Variants in TTC38 observed in about 807,000 individuals in gnomAD.
TTC38 encodes the protein tetratricopeptide repeat protein 38.
In TTC38, 64 loss-of-function variants were observed where a neutral mutation model predicts 64.2. The ratio of observed to expected loss-of-function variants is 1.00; its 90% CI spans 0.81 to 1.23. The LOEUF (loss-of-function observed/expected upper bound fraction) is 1.23, where lower values mean the gene tolerates loss of function less well. Ranked by LOEUF, TTC38 falls within the 50% of genes most tolerant of loss-of-function variation. The probability of loss-of-function intolerance (pLI) is 0.00; values close to 1 mark genes in which losing one functional copy is unlikely to be tolerated. For missense variants in TTC38, 573 were observed against 615.5 expected (o/e 0.93, Z 0.73); for synonymous variants, 254 against 249.3 (o/e 1.02, Z -0.18).
Position 46,268,047 on chromosome 22 carries a change from C to T in TTC38, c.8C>T (p.Ala3Val), listed in dbSNP as rs1360169335. The stretch of plus-strand genomic sequence containing the variant: ...ACTCCGACCCGGCGCAACATGGCCG[C>T]AGCCTCGCCTCTGCGCGACTGCCAG... The part of the protein sequence containing the change: MA[A>V]ASPLRDCQAW... The change falls in exon 1 of 14, where the codon GCA (alanine) becomes GTA (valine). Residue 3 changes from alanine to valine, a missense_variant. This residue lies in a region of TTC38 where 134 missense variants were observed against 126.5 expected (regional missense o/e 1.06). Coordinates refer to ENST00000381031, the MANE Select transcript of TTC38 (RefSeq NM_017931.4). The T allele has an allele frequency of 6.5e-7, 1 of 1,542,930 alleles. No homozygotes were observed. The highest frequency in any genetic ancestry group is 8.7e-7 in the Non-Finnish European group (1 of 1,150,860).
rs1202269761 is a variant in TTC38 at position 46,281,124 on chromosome 22, G to A, written c.616-475G>A. ...GTCCTCACATATATGGTAGTGGGAA[G>A]AGGCAGTCACAGCCACTGGAGGACT... On this transcript the variant is annotated intron_variant, in intron 6 of 13. Coordinates refer to ENST00000381031, the MANE Select transcript of TTC38 (RefSeq NM_017931.4). This position sits in a 1 kb window ranked among gnomAD's most constrained non-coding sequence, Gnocchi z 5.2. Among the ~76,000 whole-genome samples, 1 of 152,258 alleles carries A rather than the reference G, an allele frequency of 6.6e-6. No homozygotes were observed. The highest frequency in any genetic ancestry group is 1.5e-5 in the Non-Finnish European group (1 of 68,048).
intron 1 of TTC38, 25 bp from the exon 2 acceptor site, chr22:46,268,486 ACTG>A: frequency 6.2e-7 from 1 of 1,612,924 alleles, no homozygotes; most frequent in East Asian, 2.2e-5. Context: ...GAGAGAAGGC[ACTG>A]CTATTCCCTT....
At chr22:46,290,853 C>G (rs563006396) in intron 13 of TTC38, among the ~76,000 whole-genome samples, 1 of 152,200 alleles carries the variant, frequency 6.6e-6, no homozygotes, top group African/African-American at 2.4e-5. Flanking sequence ...GCCCGTGTGC[C>G]TGAGCGGCGA....
In TTC38 at chr22:46,270,845, A is replaced by C. The variant is rs1440413767; in HGVS notation, c.112-1490A>C. On this transcript the variant is annotated intron_variant, in intron 2 of 13. Transcript: ENST00000381031. This position sits in a 1 kb window ranked among gnomAD's most constrained non-coding sequence, Gnocchi z 4.7. Reference sequence around the variant, plus strand: ...CAAGACTCCATCTCAAAAAAGAAAAAAAAAAAATTAGCCGGGCGCAGTGGT... The same window carrying C: ...CAAGACTCCATCTCAAAAAAGAAAACAAAAAAATTAGCCGGGCGCAGTGGT... 6.6e-6 allele frequency among the ~76,000 whole-genome samples: 1 copy of C among 151,794 alleles called. No homozygotes were observed. Among genetic ancestry groups the C allele is most frequent in the Non-Finnish European group, 1.5e-5 (1 of 67,962 alleles).
At chr22:46,290,617 G>GAGGGTGGCGTGGCTGGAAGGTGTGTT (rs1466679296) in intron 13 of TTC38, among the ~76,000 whole-genome samples, 2 of 126,172 alleles carry the variant, frequency 1.6e-5, no homozygotes, top group South Asian at 4.5e-4. Flanking sequence ...TGAGTGTTAG[G>GAGGGTGGCGTGGCTGGAAGGTGTGTT]AGGGTGGCGT....
chr22:46,281,788 T>A lies in TTC38; in HGVS notation c.735+70T>A. 6.3e-7 allele frequency: 1 copy of A among 1,599,980 alleles called. No individual in the cohort carries two copies. The highest frequency in any genetic ancestry group is 8.5e-7 in the Non-Finnish European group (1 of 1,170,696). On this transcript the variant is annotated intron_variant, in intron 7 of 13. Coordinates refer to ENST00000381031, the MANE Select transcript of TTC38 (RefSeq NM_017931.4). This position sits in a 1 kb window ranked among gnomAD's most constrained non-coding sequence, Gnocchi z 5.2. ...ATCCCCTTGAGTCAGGCCAAGGCTT[T>A]ATGGACAAGAGTTACAGGGCATGGC...
At position 46,275,239 on chromosome 22, in the gene TTC38, G is replaced by C; in HGVS notation, c.366-9G>C. 6.2e-7 allele frequency: 1 copy of C among 1,611,668 alleles called. No homozygotes were observed. Among genetic ancestry groups the C allele is most frequent in the South Asian group, 1.1e-5 (1 of 90,812 alleles). ...TCAGCGTTGGTGAGAAATCTTTCTC[G>C]GTTTCCAGGAACTTTCCGAAAGCCT... is the stretch of plus-strand genomic sequence containing the variant. On this transcript the variant is annotated splice_polypyrimidine_tract_variant and intron_variant, in intron 4 of 13. Transcript: ENST00000381031. This position sits in a 1 kb window ranked among gnomAD's most constrained non-coding sequence, Gnocchi z 4.5.
chr22:46,288,507 C>T lies in TTC38; in HGVS notation c.1001C>T (p.Ala334Val). The stretch of plus-strand genomic sequence containing the variant: ...GACCACATCCTGCTGTTCAATGACG[C>T]ACACTTCCTGATGGCATCCCTGGGT... ...SRDHILLFND[A>V]HFLMASLGAH... Residue 334 changes from alanine (A) to valine (V), a missense_variant, in exon 11 of 14, where the codon GCA becomes GTA. Transcript: ENST00000381031. 6.2e-7 allele frequency: 1 copy of T among 1,614,060 alleles called. No individual in the cohort carries two copies. Among genetic ancestry groups the T allele is most frequent in the Non-Finnish European group, 8.5e-7 (1 of 1,179,936 alleles).
rs555967884 is a variant in TTC38, at chr22:46,285,297, C to T, written c.834+18C>T. Reference sequence around the variant, plus strand: ...ATACCCACGTAAGTTGCATTCACACCGTGTTTGGTTTGTTGCAGCATTTTG... The same window carrying T: ...ATACCCACGTAAGTTGCATTCACACTGTGTTTGGTTTGTTGCAGCATTTTG... On this transcript the variant is annotated intron_variant, in intron 9 of 13. Transcript: ENST00000381031. 61 of 1,613,652 alleles carry T rather than the reference C, an allele frequency of 3.8e-5. No homozygotes were observed. In the South Asian group the frequency reaches 4.5e-4, roughly 12 times the overall value.
rs528404677 is a variant in TTC38, at chr22:46,268,506, G to A, written c.34-8G>A. The A allele has an allele frequency of 3.3e-5, 54 of 1,614,068 alleles. 1 individual carries two copies. In the South Asian group the frequency reaches 5.3e-4, roughly 16 times the overall value. ...AAGGCACTGCTATTCCCTTCTTGCC[G>A]TCTGTAGGCCTGGAAGGATGCGAGG... On this transcript the variant is annotated splice_polypyrimidine_tract_variant and splice_region_variant and intron_variant, in intron 1 of 13. Transcript: ENST00000381031.
Position 46,289,444 on chromosome 22 carries a change from G to A in TTC38, c.1125G>A (p.Val375=). The change falls in exon 12 of 14, where the codon GTG becomes GTA. Residue 375 remains valine (V), a synonymous_variant. Transcript: ENST00000381031. The stretch of plus-strand genomic sequence containing the variant: ...GCCAGCACCTCCTGGCCCGAGACGT[G>A]GGGCTGCCCCTGTGCCAGGCCCTGG... The part of the protein sequence containing the change: ...ENCQHLLARD[V]GLPLCQALVE... 6.2e-7 allele frequency: 1 copy of A among 1,609,636 alleles called. No individual in the cohort carries two copies.
Position 46,272,417 on chromosome 22 carries a change from G to T in TTC38, c.193+1G>T, listed in dbSNP as rs372059190. The T allele has an allele frequency of 5.5e-5, 89 of 1,612,794 alleles. No homozygotes were observed. The highest frequency in any genetic ancestry group is 6.7e-5 in the Non-Finnish European group (79 of 1,179,070). ...CTCAAAGCAGCAGATCCAACCTTTG[G>T]TGAGTAACGCCTTCCCTGGGTGGAG... On this transcript the variant is annotated splice_donor_variant, in intron 3 of 13. Coordinates refer to ENST00000381031, the MANE Select transcript of TTC38 (RefSeq NM_017931.4). LOFTEE classifies it high-confidence loss of function. The surrounding 1 kb of genome is among the most constrained non-coding windows in gnomAD (Gnocchi z 6.4).
rs1005912202 is a variant in TTC38, at chr22:46,282,756, G to C, written c.735+1038G>C. ...TCACGAGTCCAGTCTCCTGAGCTTG[G>C]AAATACCCTAGCAGGGGCCAGCTCT... On this transcript the variant is annotated intron_variant, in intron 7 of 13. Coordinates refer to ENST00000381031, the MANE Select transcript of TTC38 (RefSeq NM_017931.4). This position sits in a 1 kb window ranked among gnomAD's most constrained non-coding sequence, Gnocchi z 4.4. Among the ~76,000 whole-genome samples, 2 of 152,060 alleles carry C rather than the reference G, an allele frequency of 1.3e-5. No individual in the cohort carries two copies. Among genetic ancestry groups the C allele is most frequent in the African/African-American group, 4.8e-5 (2 of 41,414 alleles).
intron 7 of TTC38, among the ~76,000 whole-genome samples, 182 bp from the exon 8 acceptor site, chr22:46,283,791 G>T (rs1446619829): frequency 2.1e-5 from 3 of 140,690 alleles, no homozygotes; most frequent in Non-Finnish European, 4.5e-5. Context: ...GGCAGAGGTT[G>T]CAGTGAGCCA....
intron 6 of TTC38, chr22:46,280,163 C>G (rs1370911632): frequency 2.1e-6 from 1 of 471,256 alleles, no homozygotes; most frequent in South Asian, 1.5e-5. Flanking sequence ...AACACATGGG[C>G]TCTGTGTCTG....
intron 7 of TTC38, among the ~76,000 whole-genome samples, chr22:46,283,496 GGAA>G (rs1271408727): frequency 2.0e-5 from 3 of 152,160 alleles, no homozygotes; most frequent in Non-Finnish European, 4.4e-5. Context: ...CCTTCGGAAT[GGAA>G]GAAGATTATG....
chr22:46,289,549 G>C lies in TTC38; in HGVS notation c.1230G>C (p.Gly410=). The change falls in exon 12 of 14, where the codon GGG becomes GGC. Residue 410 remains glycine (G), a synonymous_variant. Transcript: ENST00000381031. ...GCTACCGGATCGTCCAGCTCGGTGG[G>C]AGCAATGCCCAGGTGAGCCGATGGC... ...PIRYRIVQLG[G]SNAQRDVFNQ... 6.3e-7 allele frequency: 1 copy of C among 1,589,926 alleles called. No homozygotes were observed. Among genetic ancestry groups the C allele is most frequent in the Non-Finnish European group, 8.6e-7 (1 of 1,169,278 alleles).
At chr22:46,289,588 G>A in intron 12 of TTC38, 27 bp downstream of exon 12, 1 of 1,558,152 alleles carries the variant, frequency 6.4e-7, no homozygotes, top group Non-Finnish European at 8.7e-7. Flanking sequence ...CAGCTGGGGT[G>A]CCTAGGGCCT....
rs540092101 is a variant in TTC38 at position 46,279,775 on chromosome 22, G to A, written c.615+1114G>A. Reference sequence around the variant, plus strand: ...GCTTTCTGACAGTCTTGGTTCCATGGCCTGGGTGACCAGACAGCACCATCC... The same window carrying A: ...GCTTTCTGACAGTCTTGGTTCCATGACCTGGGTGACCAGACAGCACCATCC... On this transcript the variant is annotated intron_variant, in intron 6 of 13. Coordinates refer to ENST00000381031, the MANE Select transcript of TTC38 (RefSeq NM_017931.4). 1.1e-4 allele frequency among the ~76,000 whole-genome samples: 17 copies of A among 152,324 alleles called. No homozygotes were observed. The East Asian group carries it at 3.3e-3, about 29-fold the overall frequency.
Sources: allele counts gnomAD v4.1 joint callset (sites outside exome capture counted in the v4.1 genomes callset), GRCh38; gene constraint gnomAD v4.1.1; regional missense constraint gnomAD v4.1.1; non-coding constraint Gnocchi (gnomAD v3.1); transcripts MANE v1.5; gene names NCBI Gene and HGNC (gene_info 2026-07-23, HGNC 2026-07-21).